CRAMP1: variants seen among roughly 807,000 people sequenced by gnomAD.
The protein encoded by CRAMP1 is protein cramped-like.
A neutral mutation model predicts 115.4 loss-of-function variants in CRAMP1; 50 were observed. The ratio of observed to expected loss-of-function variants is 0.43; its 90% confidence interval spans 0.35 to 0.55. The LOEUF (loss-of-function observed/expected upper bound fraction) is 0.55, where lower values mean the gene tolerates loss of function less well. CRAMP1 is among the 20% of genes least tolerant of loss of function. CRAMP1 has a pLI of 0.01. For synonymous variants in CRAMP1, 866 were observed against 745.4 expected (o/e 1.16, Z -2.64); for missense variants, 1,679 against 1,721.7 (o/e 0.98, Z 0.44).
intron 11 of CRAMP1, among the ~76,000 whole-genome samples, chr16:1,661,388 G>A (rs2036827893): frequency 1.1e-5 from 1 of 94,032 alleles, no homozygotes; most frequent in Non-Finnish European, 2.2e-5. Context: ...TGACGGAGGG[G>A]GCCGGGTGAG....
chr16:1,616,745 A>T (rs1301075944), intron 2 of CRAMP1, among the ~76,000 whole-genome samples: 1 of 152,080 alleles, frequency 6.6e-6, no homozygotes, highest in Non-Finnish European at 1.5e-5. Flanking sequence ...TTTAATATTA[A>T]TAAAATGCAA....
intron 2 of CRAMP1, among the ~76,000 whole-genome samples, chr16:1,621,923 C>T (rs1049236074): frequency 6.6e-6 from 1 of 152,188 alleles, no homozygotes; most frequent in African/African-American, 2.4e-5. Flanking sequence ...ATCATCTTAC[C>T]TTTCCGTCTC....
chr16:1,650,663 T>C (rs1435120287), intron 6 of CRAMP1, among the ~76,000 whole-genome samples: 2 of 152,230 alleles, frequency 1.3e-5, no homozygotes, highest in Non-Finnish European at 2.9e-5. Context: ...GATGTAATTT[T>C]TTACGCATCC....
In CRAMP1 at chr16:1,675,316, G is replaced by A. The variant is rs916356836; in HGVS notation, c.*1271G>A. On this transcript the variant is annotated 3_prime_UTR_variant, in exon 21 of 21. Transcript: ENST00000397412. ...GTCACCGTCCATCCACATCCAGTGT[G>A]GCCTGGAGCTGCTACAGAGGTGTTG... The A allele has an allele frequency of 6.6e-6, 1 of 152,322 alleles. No individual in the cohort carries two copies. The highest frequency in any genetic ancestry group is 1.5e-5 in the Non-Finnish European group (1 of 68,118). The allele number at this position is 152,322 out of a possible 1,614,324, so 9.4% of individuals were successfully genotyped here. A position where few individuals can be genotyped will look rare whatever the true frequency, so the allele number is the denominator to read the frequency against.
Position 1,674,903 on chromosome 16 carries a change from G to A in CRAMP1, c.*858G>A, listed in dbSNP as rs1025756063. On this transcript the variant is annotated 3_prime_UTR_variant, in exon 21 of 21. Coordinates refer to ENST00000397412, the MANE Select transcript of CRAMP1 (RefSeq NM_020825.4). ...CTCCCTCCTGGGGTGACCCTTAGGC[G>A]CTAATATGATTACAGCGAAGACTTT... 6.6e-6 allele frequency: 1 copy of A among 152,204 alleles called. No homozygotes were observed. The highest frequency in any genetic ancestry group is 2.4e-5 in the African/African-American group (1 of 41,450). 9.4% of individuals were successfully genotyped at this position (152,204 alleles called of 1,614,324 possible).
At chr16:1,613,079 G>T (rs1418039263) in intron 1 of CRAMP1, among the ~76,000 whole-genome samples, 1 of 152,078 alleles carries the variant, frequency 6.6e-6, no homozygotes, top group East Asian at 1.9e-4. Context: ...CCTGCGGGCG[G>T]ACAGGTCCCT....
rs2036950935 is a variant in CRAMP1, at chr16:1,674,531, C to T, written c.*486C>T. 6.1e-6 allele frequency: 1 copy of T among 164,126 alleles called. No individual in the cohort carries two copies. Among genetic ancestry groups the T allele is most frequent in the Admixed American group, 5.8e-5 (1 of 17,146 alleles). 10.2% of individuals were successfully genotyped at this position (164,126 alleles called of 1,614,324 possible). A position where few individuals can be genotyped will look rare whatever the true frequency, so the allele number is the denominator to read the frequency against. Reference sequence around the variant, plus strand: ...TGTGCCCTCTGTGGACTGTAACGGGCAGGACAGTTGGGTGTGGCCTGGGCT... The same window carrying T: ...TGTGCCCTCTGTGGACTGTAACGGGTAGGACAGTTGGGTGTGGCCTGGGCT... On this transcript the variant is annotated 3_prime_UTR_variant, in exon 21 of 21. Transcript: ENST00000397412.
At chr16:1,613,749 C>T (rs1306999184) in intron 1 of CRAMP1, among the ~76,000 whole-genome samples, 1 of 152,186 alleles carries the variant, frequency 6.6e-6, no homozygotes, top group Non-Finnish European at 1.5e-5. Context: ...TCTTCTACCG[C>T]TTCTTGCACC....
intron 2 of CRAMP1, among the ~76,000 whole-genome samples, chr16:1,624,765 G>A (rs1202224397): frequency 1.3e-5 from 2 of 152,192 alleles, no homozygotes; most frequent in Admixed American, 6.5e-5. Flanking sequence ...TGTGTTTTTA[G>A]TAGAGACGGG....
chr16:1,614,040 T>C lies in CRAMP1; in HGVS notation c.-1-599T>C, dbSNP rs111955762. On this transcript the variant is annotated intron_variant, in intron 1 of 20. Transcript: ENST00000397412. The surrounding 1 kb of genome is among the most constrained non-coding windows in gnomAD (Gnocchi z 4.4). ...CCCGGGGTGGATCCGGCCTCCTCTGTCCTCCTCCAGGGCCAGCTCTGGGGG... is the reference window on the plus strand; with the variant it reads ...CCCGGGGTGGATCCGGCCTCCTCTGCCCTCCTCCAGGGCCAGCTCTGGGGG... Among the ~76,000 whole-genome samples, 24,478 of 138,210 alleles carry C rather than the reference T, an allele frequency of 0.18. 2,903 individuals carry two copies. Among genetic ancestry groups the C allele is most frequent in the African/African-American group, 0.34 (12,965 of 38,230 alleles). The allele number at this position is 138,210 out of a possible 152,430, so 90.7% of individuals were successfully genotyped here.
At chr16:1,658,959 G>A (rs1433828127) in intron 10 of CRAMP1, among the ~76,000 whole-genome samples, 4 of 152,124 alleles carry the variant, frequency 2.6e-5, no homozygotes, top group African/African-American at 9.7e-5. Context: ...AGCGGTGGTG[G>A]CGTTTCTGTG....
intron 6 of CRAMP1, among the ~76,000 whole-genome samples, chr16:1,648,375 G>A (rs940694611): frequency 6.6e-6 from 1 of 152,046 alleles, no homozygotes; most frequent in Non-Finnish European, 1.5e-5. Flanking sequence ...TTGGGAGGCC[G>A]CGGCTGGCGA....
intron 10 of CRAMP1, among the ~76,000 whole-genome samples, chr16:1,659,353 C>T (rs755180241): frequency 6.6e-6 from 1 of 152,044 alleles, no homozygotes; most frequent in South Asian, 2.1e-4. Context: ...TCATTACTTA[C>T]CTGACCAGTG....
In CRAMP1 at chr16:1,641,140, T is replaced by C. The variant is rs773582528; in HGVS notation, c.780T>C (p.Cys260=). The change falls in exon 6 of 21, where the codon TGT becomes TGC. Residue 260 remains cysteine (C), a splice_region_variant and synonymous_variant. Coordinates refer to ENST00000397412, the MANE Select transcript of CRAMP1 (RefSeq NM_020825.4). ...YGELRKKIGG[C]MDDKNATKLN... ...TTTATTTATTTTTTCCATTTAAAGG[T>C]ATGGATGACAAGAATGCAACAAAGC... The C allele has an allele frequency of 1.2e-6, 2 of 1,607,822 alleles. No homozygotes were observed.
rs748414101 is a variant in CRAMP1, at chr16:1,666,435, A to C, written c.2871A>C (p.Leu957Phe). 6.2e-7 allele frequency: 1 copy of C among 1,613,202 alleles called. No homozygotes were observed. Among genetic ancestry groups the C allele is most frequent in the Non-Finnish European group, 8.5e-7 (1 of 1,179,540 alleles). Residue 957 changes from leucine (L) to phenylalanine (F), a missense_variant, in exon 16 of 21, where the codon TTA becomes TTC. Around this residue, in one of 8 missense-constraint regions of CRAMP1, gnomAD observed 709 missense variants for 741.9 expected, o/e 0.96. Coordinates refer to ENST00000397412, the MANE Select transcript of CRAMP1 (RefSeq NM_020825.4). This position sits in a 1 kb window ranked among gnomAD's most constrained non-coding sequence, Gnocchi z 5.0. ...ATSHLASAID[L>F]AATSAGILSG... is the part of the protein sequence containing the mutation. ...TTTTGTTGCCAGGTGCTATCGACTT[A>C]GCAGCTACAAGTGCCGGCATCCTTT...
At chr16:1,641,320 A>G (rs1331590935) in intron 6 of CRAMP1, 133 bp downstream of exon 6, 2 of 691,870 alleles carry the variant, frequency 2.9e-6, no homozygotes, top group Admixed American at 4.8e-5. Flanking sequence ...TTACGTGTTC[A>G]GTCCCAACAA....
At chr16:1,658,883 G>C (rs1567459275) in intron 10 of CRAMP1, among the ~76,000 whole-genome samples, 1 of 152,168 alleles carries the variant, frequency 6.6e-6, no homozygotes, top group Non-Finnish European at 1.5e-5. Flanking sequence ...TGGGATGTGT[G>C]GGGTGTTCAG....
intron 4 of CRAMP1, among the ~76,000 whole-genome samples, chr16:1,633,966 G>T (rs1271486082): frequency 1.3e-5 from 2 of 151,928 alleles, no homozygotes; most frequent in Non-Finnish European, 2.9e-5. Context: ...TACTCGGGAG[G>T]CTGAGGCAGG....
rs1567462041 is a variant in CRAMP1, at chr16:1,666,352, C to T, written c.2858-70C>T. ...TGAGGTGCGAGGGAGAAGCTGTTCC[C>T]CGAGCCCTCTTGGGACATCTTATGG... On this transcript the variant is annotated intron_variant, in intron 15 of 20. Transcript: ENST00000397412. The surrounding 1 kb of genome is among the most constrained non-coding windows in gnomAD (Gnocchi z 5.0). The T allele has an allele frequency of 1.4e-6, 2 of 1,466,988 alleles. No individual in the cohort carries two copies. The highest frequency in any genetic ancestry group is 2.5e-5 in the South Asian group (2 of 81,104). The allele number at this position is 1,466,988 out of a possible 1,614,324, so 90.9% of individuals were successfully genotyped here.
Sources: gnomAD v4.1 joint callset for allele counts (sites outside exome capture counted in the v4.1 genomes callset) on GRCh38, gnomAD v4.1.1 for gene constraint, gnomAD v4.1.1 regional missense constraint, Gnocchi (gnomAD v3.1) non-coding constraint, MANE v1.5 for transcripts, NCBI Gene and HGNC (gene_info 2026-07-23, HGNC 2026-07-21) for gene names.